The following PCDHA6 variants were observed in gnomAD, a reference collection of about 807,000 sequenced individuals.
PCDHA6 encodes protocadherin alpha-6.
Under a neutral mutation model 60.3 loss-of-function variants are expected in PCDHA6, and 55 were observed. The ratio of observed to expected loss-of-function variants is 0.91; its 90% CI spans 0.73 to 1.14. PCDHA6 has a LOEUF of 1.14. Among genes scored for constraint, PCDHA6 ranks in the 50% most tolerant of loss-of-function variants. The pLI is 0.00. For synonymous variants in PCDHA6, 652 were observed against 557.9 expected, an observed-to-expected ratio of 1.17 and a Z score of -2.38; for missense variants, 1,327 against 1,256.5, an observed-to-expected ratio of 1.06 and a Z score of -0.85.
At chr5:140,848,643 C>T in intron 1 of PCDHA6, 1 of 1,593,248 alleles carries the variant, frequency 6.3e-7, no homozygotes, top group East Asian at 2.2e-5. Flanking sequence ...CCGCATCGCG[C>T]AGGACCTGGG....
chr5:141,010,146 C>T lies in PCDHA6; in HGVS notation c.*209C>T. 2 of 1,584,410 alleles carry T rather than the reference C, an allele frequency of 1.3e-6. No homozygotes were observed. Among genetic ancestry groups the T allele is most frequent in the Non-Finnish European group, 1.7e-6 (2 of 1,164,258 alleles). On this transcript the variant is annotated 3_prime_UTR_variant, in exon 4 of 4. Coordinates refer to ENST00000529310, the MANE Select transcript of PCDHA6 (RefSeq NM_018909.4). ...TAAGTCTGGTGTTAACTCTTTCTCTCCACTCTGGCTTGTTTTCAGAACCTA... is the reference window on the plus strand; with the variant it reads ...TAAGTCTGGTGTTAACTCTTTCTCTTCACTCTGGCTTGTTTTCAGAACCTA...
At chr5:140,927,601 G>A (rs1490799029) in intron 1 of PCDHA6, 1 of 1,614,198 alleles carries the variant, frequency 6.2e-7, no homozygotes, top group Non-Finnish European at 8.5e-7. Flanking sequence ...TGAGCGCTCC[G>A]TATACCGCAC....
At chr5:140,849,663 A>T in intron 1 of PCDHA6, 1 of 1,598,672 alleles carries the variant, frequency 6.3e-7, no homozygotes, top group Non-Finnish European at 8.6e-7. Context: ...CTGCTCCCTG[A>T]CGCCCCACGT....
chr5:140,987,589 G>A (rs1554249335), intron 3 of PCDHA6, among the ~76,000 whole-genome samples: 1 of 152,180 alleles, frequency 6.6e-6, no homozygotes, highest in Non-Finnish European at 1.5e-5. Context: ...GGGGAGAATA[G>A]TGGTGTCTAC....
In PCDHA6 at chr5:140,868,915, G is replaced by C. The variant is rs1164548445; in HGVS notation, c.2394+38430G>C. On this transcript the variant is annotated intron_variant, in intron 1 of 3. Coordinates refer to ENST00000529310, the MANE Select transcript of PCDHA6 (RefSeq NM_018909.4). ...GCAAGGTGTCGCTCTTTACTTGGTG[G>C]AAAGTTCATTTAAAGGTTGGTCTGA... The C allele has an allele frequency of 7.4e-6, 7 of 948,738 alleles. No individual in the cohort carries two copies. In the East Asian group the frequency reaches 1.6e-4, roughly 22 times the overall value. The allele number at this position is 948,738 out of a possible 1,614,324, so 58.8% of individuals were successfully genotyped here. A position where few individuals can be genotyped will look rare whatever the true frequency, so the allele number is the denominator to read the frequency against.
intron 1 of PCDHA6, among the ~76,000 whole-genome samples, chr5:140,921,151 AT>A (rs11299094): frequency 0.63 from 94,902 of 151,506 alleles, 30,179 homozygotes; most frequent in African/African-American, 0.71. Flanking sequence ...CAGCTAATGC[AT>A]TTTTTTTTTA....
intron 1 of PCDHA6, chr5:140,860,444 T>C (rs1311147382): frequency 6.6e-6 from 1 of 152,156 alleles, no homozygotes; most frequent in South Asian, 2.1e-4. Flanking sequence ...CTTTTTCATA[T>C]TAATTCACGT....
intron 1 of PCDHA6, chr5:140,881,374 G>A: frequency 3.0e-6 from 3 of 984,938 alleles, no homozygotes; most frequent in Non-Finnish European, 3.6e-6. Flanking sequence ...ATGAATTGCA[G>A]CCGGCGGCGG....
In PCDHA6 at chr5:140,828,667, T is replaced by G; in HGVS notation, c.576T>G (p.Ile192Met). ...VKINSDDNKQ[I>M]GLLLKKSLDR... Reference sequence around the variant, plus strand: ...TAAACAGTGATGACAATAAACAAATTGGGCTCTTATTAAAGAAATCCTTGG... The same window carrying G: ...TAAACAGTGATGACAATAAACAAATGGGGCTCTTATTAAAGAAATCCTTGG... Residue 192 changes from isoleucine (I) to methionine (M), a missense_variant, in exon 1 of 4, where the codon ATT (isoleucine) becomes ATG (methionine). Physicochemically the swap from Ile to Met is conservative, Grantham distance 10 (BLOSUM62 1). Coordinates refer to ENST00000529310, the MANE Select transcript of PCDHA6 (RefSeq NM_018909.4). 3 of 1,614,172 alleles carry G rather than the reference T, an allele frequency of 1.9e-6. No individual in the cohort carries two copies. The highest frequency in any genetic ancestry group is 2.5e-6 in the Non-Finnish European group (3 of 1,180,034).
At chr5:140,913,969 AT>A (rs1304513966) in intron 1 of PCDHA6, among the ~76,000 whole-genome samples, 3 of 152,098 alleles carry the variant, frequency 2.0e-5, no homozygotes, top group Admixed American at 2.0e-4. Context: ...TTAAAAAAAT[AT>A]TTTAGGACTT....
At chr5:140,913,451 T>G (rs1201347326) in intron 1 of PCDHA6, among the ~76,000 whole-genome samples, 1 of 152,160 alleles carries the variant, frequency 6.6e-6, no homozygotes, top group East Asian at 1.9e-4. Context: ...CAGCTCCGAT[T>G]TTATTTACTT....
chr5:140,928,525 G>A (rs200642808), intron 1 of PCDHA6: 1 of 1,614,182 alleles, frequency 6.2e-7, no homozygotes, highest in East Asian at 2.2e-5. Context: ...AAACTTGTTT[G>A]TGGTAGATAG....
Position 140,857,453 on chromosome 5 carries a change from C to A in PCDHA6, c.2394+26968C>A, listed in dbSNP as rs545328956. On this transcript the variant is annotated intron_variant, in intron 1 of 3. Coordinates refer to ENST00000529310, the MANE Select transcript of PCDHA6 (RefSeq NM_018909.4). ...GGTGTTCGTGAAGGAGAACAACCCG[C>A]CAGGCTGCCACATCTTCACGGTGTC... 1 of 1,598,604 alleles carries A rather than the reference C, an allele frequency of 6.3e-7. No individual in the cohort carries two copies. The highest frequency in any genetic ancestry group is 1.1e-5 in the South Asian group (1 of 90,558).
At chr5:140,869,098 T>C (rs1581867822) in intron 1 of PCDHA6, 7 of 1,596,122 alleles carry the variant, frequency 4.4e-6, no homozygotes, top group Non-Finnish European at 5.1e-6. Flanking sequence ...GCCAATTTCG[T>C]ATGCGATGTT....
intron 1 of PCDHA6, among the ~76,000 whole-genome samples, chr5:140,895,520 A>G (rs1053295495): frequency 6.6e-6 from 1 of 152,116 alleles, no homozygotes; most frequent in South Asian, 2.1e-4. Context: ...TAATTGGTTT[A>G]TTCGTTTTTC....
chr5:140,870,528 A>T, intron 1 of PCDHA6: 11 of 1,614,214 alleles, frequency 6.8e-6, no homozygotes, highest in Non-Finnish European at 7.6e-6. Context: ...ACATCTTCAC[A>T]GTGTCGGCGC....
intron 1 of PCDHA6, chr5:140,928,289 G>C (rs1554205708): frequency 6.2e-7 from 1 of 1,614,170 alleles, no homozygotes; most frequent in Non-Finnish European, 8.5e-7. Flanking sequence ...TCTCTAGGCC[G>C]AGTGTTTGCC....
At chr5:140,856,763 C>G (rs1004781576) in intron 1 of PCDHA6, 3 of 1,596,086 alleles carry the variant, frequency 1.9e-6, no homozygotes, top group Admixed American at 1.7e-5. Flanking sequence ...TGATAACGCC[C>G]CTATCTTTGA....
At chr5:140,864,890 G>T (rs1554159190) in intron 1 of PCDHA6, 1 of 152,170 alleles carries the variant, frequency 6.6e-6, no homozygotes, top group Non-Finnish European at 1.5e-5. Context: ...TCATTAAGCT[G>T]CATGGTCTTC....
Sources: gnomAD v4.1 joint callset for allele counts (sites outside exome capture counted in the v4.1 genomes callset) on GRCh38, gnomAD v4.1.1 for gene constraint, MANE v1.5 for transcripts, NCBI Gene and HGNC (gene_info 2026-07-23, HGNC 2026-07-21) for gene names.